Variants in PCDH17 observed in about 807,000 individuals in gnomAD.
PCDH17 encodes the protein protocadherin 17, also known as protocadherin-17.
In PCDH17, 21 loss-of-function variants were observed where a neutral mutation model predicts 67.7. That is an observed-to-expected ratio of 0.31 (90% CI 0.22 to 0.45). The LOEUF (loss-of-function observed/expected upper bound fraction) is 0.45. PCDH17 is among the 20% of genes least tolerant of loss of function. The pLI, the probability that PCDH17 is intolerant of heterozygous loss-of-function variation, is 1.00. For synonymous variants in PCDH17, 701 were observed against 656.7 expected, an observed-to-expected ratio of 1.07 and a Z score of -1.03; for missense variants, 1,471 against 1,564.8, an observed-to-expected ratio of 0.94 and a Z score of 1.01.
chr13:57,701,398 C>T (rs1361722359), intron 3 of PCDH17, among the ~76,000 whole-genome samples: 4 of 151,920 alleles, frequency 2.6e-5, no homozygotes, highest in Non-Finnish European at 5.9e-5. Flanking sequence ...TTGTGTGGGG[C>T]CCTAGTCAAA....
At chr13:57,690,433 G>A (rs1254929361) in intron 3 of PCDH17, among the ~76,000 whole-genome samples, 1 of 151,558 alleles carries the variant, frequency 6.6e-6, no homozygotes, top group Admixed American at 6.6e-5. Context: ...AAAGAGTGTA[G>A]GAGATTATAT....
At chr13:57,702,219 T>G (rs957051108) in intron 3 of PCDH17, among the ~76,000 whole-genome samples, 1 of 152,068 alleles carries the variant, frequency 6.6e-6, no homozygotes, top group African/African-American at 2.4e-5. Flanking sequence ...GCCCAGCCTG[T>G]TTTTCTTTTT....
chr13:57,716,320 G>C (rs1955816275), intron 3 of PCDH17, among the ~76,000 whole-genome samples: 1 of 151,828 alleles, frequency 6.6e-6, no homozygotes, highest in South Asian at 2.1e-4. Flanking sequence ...CTTTTACTTA[G>C]AACTTTTCCA....
chr13:57,673,735 T>C (rs1955353798), intron 3 of PCDH17, among the ~76,000 whole-genome samples: 1 of 151,976 alleles, frequency 6.6e-6, no homozygotes, highest in Admixed American at 6.6e-5. Flanking sequence ...TGTTTTCACA[T>C]AGATGGCATC....
chr13:57,682,951 T>C (rs1955468516), intron 3 of PCDH17, among the ~76,000 whole-genome samples: 1 of 151,874 alleles, frequency 6.6e-6, no homozygotes, highest in Non-Finnish European at 1.5e-5. Context: ...CTTATCTAAC[T>C]TACCTCAGGG....
At chr13:57,713,700 T>G (rs1249875581) in intron 3 of PCDH17, among the ~76,000 whole-genome samples, 1 of 151,618 alleles carries the variant, frequency 6.6e-6, no homozygotes, top group Admixed American at 6.6e-5. Context: ...TTCAAGTACA[T>G]ATTTATTATT....
chr13:57,696,621 AT>A (rs1370386045), intron 3 of PCDH17, among the ~76,000 whole-genome samples: 2 of 151,458 alleles, frequency 1.3e-5, no homozygotes, highest in Admixed American at 1.3e-4. Flanking sequence ...AATATACCAT[AT>A]TTTAAAATAC....
At chr13:57,654,932 AT>A (rs1053199119) in intron 1 of PCDH17, among the ~76,000 whole-genome samples, 1 of 151,814 alleles carries the variant, frequency 6.6e-6, no homozygotes, top group Admixed American at 6.6e-5. Flanking sequence ...GTTGTCTTTC[AT>A]TATGTTTTTG....
chr13:57,674,968 T>C (rs1452791365), intron 3 of PCDH17, among the ~76,000 whole-genome samples: 1 of 151,886 alleles, frequency 6.6e-6, no homozygotes, highest in Non-Finnish European at 1.5e-5. Context: ...AAGGCAATAC[T>C]AGTTCCAGGT....
At chr13:57,630,210 A>G (rs550006076), upstream of PCDH17, among the ~76,000 whole-genome samples, 4 of 152,156 alleles carry the variant, frequency 2.6e-5, no homozygotes, top group South Asian at 8.3e-4. Flanking sequence ...GTTGAATTGA[A>G]TTTTCACCTT....
chr13:57,632,424 A>C lies in PCDH17; in HGVS notation c.-123A>C, dbSNP rs977211133. Reference sequence around the variant, plus strand: ...CCGCAGCTCGGGTGCAGAGGGAAAAAAGGACCCATAGACTTGTGGCTCGCG... The same window carrying C: ...CCGCAGCTCGGGTGCAGAGGGAAAACAGGACCCATAGACTTGTGGCTCGCG... On this transcript the variant is annotated 5_prime_UTR_variant, in exon 1 of 4. Transcript: ENST00000377918. The C allele has an allele frequency of 1.6e-5, 16 of 973,334 alleles. No individual in the cohort carries two copies. Among genetic ancestry groups the C allele is most frequent in the Middle Eastern group, 3.1e-4 (1 of 3,180 alleles). 60.3% of individuals were successfully genotyped at this position (973,334 alleles called of 1,614,324 possible).
chr13:57,649,510 A>G (rs1746885346), intron 1 of PCDH17, among the ~76,000 whole-genome samples: 1 of 152,174 alleles, frequency 6.6e-6, no homozygotes, highest in Admixed American at 6.6e-5. Context: ...TAAGCCACAT[A>G]AGACCATGCA....
chr13:57,634,674 G>A lies in PCDH17; in HGVS notation c.2128G>A (p.Val710Met). 1 of 1,613,722 alleles carries A rather than the reference G, an allele frequency of 6.2e-7. No individual in the cohort carries two copies. Among genetic ancestry groups the A allele is most frequent in the East Asian group, 2.2e-5 (1 of 44,838 alleles). ...HHWDMSLPLIVTLSTISIILL... is the reference protein window; with the variant it reads ...HHWDMSLPLIMTLSTISIILL... ...CTGGGACATGTCGCTGCCGCTCATC[G>A]TGACTCTGAGCACTATCTCCATCAT... is the stretch of plus-strand genomic sequence containing the variant. The change falls in exon 1 of 4, where the codon GTG becomes ATG. Residue 710 changes from valine to methionine, a missense_variant. By Grantham distance (21) the Val-to-Met change is conservative. This residue lies in a region of PCDH17 where 1,163 missense variants were observed against 1,230.0 expected (regional missense o/e 0.95). Coordinates refer to ENST00000377918, the MANE Select transcript of PCDH17 (RefSeq NM_001040429.3). The surrounding 1 kb of genome is among the most constrained non-coding windows in gnomAD (Gnocchi z 7.8).
chr13:57,725,378 A>G lies in PCDH17; in HGVS notation c.*84A>G, dbSNP rs1955908185. ...ATCCCTCCTGGTGATAACCCATTTT[A>G]CAGGGATGAAGAAAGACCAATGCTG... On this transcript the variant is annotated 3_prime_UTR_variant, in exon 4 of 4. Transcript: ENST00000377918. The G allele has an allele frequency of 8.1e-7, 1 of 1,240,510 alleles. No homozygotes were observed. The highest frequency in any genetic ancestry group is 2.3e-5 in the East Asian group (1 of 42,636). The allele number at this position is 1,240,510 out of a possible 1,614,324, so 76.8% of individuals were successfully genotyped here.
At chr13:57,690,248 G>A (rs1955546255) in intron 3 of PCDH17, among the ~76,000 whole-genome samples, 1 of 151,578 alleles carries the variant, frequency 6.6e-6, no homozygotes, top group Non-Finnish European at 1.5e-5. Context: ...TTACTGTATT[G>A]TTGGCATTAT....
At chr13:57,709,656 T>G (rs902935381) in intron 3 of PCDH17, 1 of 152,254 alleles carries the variant, frequency 6.6e-6, no homozygotes, top group East Asian at 1.9e-4. Context: ...CTAAAAATAT[T>G]TTATTTTTCA....
chr13:57,667,357 A>G (rs1252205633), intron 3 of PCDH17, among the ~76,000 whole-genome samples: 1 of 152,094 alleles, frequency 6.6e-6, no homozygotes, highest in Admixed American at 6.6e-5. Context: ...CTAAGGCTTC[A>G]TGAATATCAA....
intron 3 of PCDH17, among the ~76,000 whole-genome samples, chr13:57,701,036 T>C (rs1955658494): frequency 6.6e-6 from 1 of 152,080 alleles, no homozygotes; most frequent in African/African-American, 2.4e-5. Flanking sequence ...AACAATAATG[T>C]CCTTCTTTTG....
At chr13:57,635,210 T>C in intron 1 of PCDH17, 99 bp downstream of exon 1, 2 of 1,219,818 alleles carry the variant, frequency 1.6e-6, no homozygotes, top group Non-Finnish European at 2.3e-6. Flanking sequence ...CCAGCAGCAG[T>C]GAGGGGGAAA....
Sources: allele counts gnomAD v4.1 joint callset (sites outside exome capture counted in the v4.1 genomes callset), GRCh38; gene constraint gnomAD v4.1.1; regional missense constraint gnomAD v4.1.1; non-coding constraint Gnocchi (gnomAD v3.1); transcripts MANE v1.5; gene names NCBI Gene and HGNC (gene_info 2026-07-23, HGNC 2026-07-21).